Variants in MAPKAP1 observed in about 807,000 individuals in gnomAD.
MAPKAP1 encodes the protein MAPK associated protein 1.
In MAPKAP1, 20 loss-of-function variants were observed where a neutral mutation model predicts 65.7. That is an observed-to-expected ratio of 0.30 (90% confidence interval 0.21 to 0.44). The LOEUF is 0.44. MAPKAP1 is among the 20% of genes least tolerant of loss of function. The pLI, the probability that MAPKAP1 is intolerant of heterozygous loss-of-function variation, is 1.00. For missense variants in MAPKAP1, 423 were observed against 648.0 expected, an observed-to-expected ratio of 0.65 and a Z score of 3.77; for synonymous variants, 222 against 244.3, an observed-to-expected ratio of 0.91 and a Z score of 0.85.
At chr9:125,591,507 A>G (rs563014265) in intron 4 of MAPKAP1, among the ~76,000 whole-genome samples, 1 of 151,102 alleles carries the variant, frequency 6.6e-6, no homozygotes, top group Non-Finnish European at 1.5e-5. Flanking sequence ...ACTACCCTCT[A>G]TTTCATAGTA....
intron 1 of MAPKAP1, among the ~76,000 whole-genome samples, chr9:125,675,648 C>A (rs2131809034): frequency 6.6e-6 from 1 of 152,316 alleles, no homozygotes; most frequent in Admixed American, 6.5e-5. Flanking sequence ...CTTTTTACCT[C>A]CAATTACATG....
At chr9:125,499,976 G>A (rs1319551158) in intron 8 of MAPKAP1, among the ~76,000 whole-genome samples, 1 of 151,994 alleles carries the variant, frequency 6.6e-6, no homozygotes, top group East Asian at 1.9e-4. Context: ...GACAGAATGA[G>A]ACTCTTTCAA....
At chr9:125,546,165 G>A (rs192225843) in intron 6 of MAPKAP1, among the ~76,000 whole-genome samples, 1 of 152,260 alleles carries the variant, frequency 6.6e-6, no homozygotes, top group African/African-American at 2.4e-5. Context: ...CGAAGGGAAG[G>A]GGCACACACG....
intron 5 of MAPKAP1, among the ~76,000 whole-genome samples, chr9:125,577,192 G>C (rs1468940906): frequency 6.6e-6 from 1 of 151,976 alleles, no homozygotes; most frequent in Non-Finnish European, 1.5e-5. Context: ...GATGTGAGGA[G>C]CGTCTCTGCC....
intron 6 of MAPKAP1, among the ~76,000 whole-genome samples, chr9:125,544,410 A>G (rs531558747): frequency 6.6e-5 from 10 of 152,214 alleles, no homozygotes; most frequent in Admixed American, 6.5e-5. Flanking sequence ...ATTATAAGAC[A>G]AAACACTTAC....
intron 7 of MAPKAP1, chr9:125,521,846 C>T (rs1829627174): frequency 7.5e-7 from 1 of 1,339,424 alleles, no homozygotes; most frequent in Non-Finnish European, 1.1e-6. Context: ...AGTGGTGACT[C>T]CAACCTGAGT....
rs1564520083 is a variant in MAPKAP1 at position 125,464,207 on chromosome 9, A to ATT, written c.1345+3764_1345+3765insAA. Among the ~76,000 whole-genome samples, 799 of 136,510 alleles carry ATT rather than the reference A, an allele frequency of 5.9e-3. 16 individuals carry two copies. The highest frequency in any genetic ancestry group is 0.036 in the Middle Eastern group (10 of 274). The allele number at this position is 136,510 out of a possible 152,430, so 89.6% of individuals were successfully genotyped here. A position where few individuals can be genotyped will look rare whatever the true frequency, so the allele number is the denominator to read the frequency against. ...AGTGAGACCCTGTCTCATATATTAA[A>ATT]AAAAAAAAAAAAAAAAAAAAAAAAA... On this transcript the variant is annotated intron_variant, in intron 10 of 11. Transcript: ENST00000265960.
chr9:125,676,246 C>T (rs1384862987), intron 1 of MAPKAP1, among the ~76,000 whole-genome samples: 1 of 152,102 alleles, frequency 6.6e-6, no homozygotes, highest in African/African-American at 2.4e-5. Context: ...AATCCTACTT[C>T]TAGGATTTGT....
intron 7 of MAPKAP1, 47 bp from the exon 8 acceptor site, chr9:125,506,464 G>T (rs767346949): frequency 6.8e-7 from 1 of 1,464,268 alleles, no homozygotes; most frequent in South Asian, 1.1e-5. Flanking sequence ...CTGAAACAGC[G>T]AATTTAACAT....
In MAPKAP1 at chr9:125,438,774, A is replaced by G; in HGVS notation, c.*113T>C. 1 of 1,435,864 alleles carries G rather than the reference A, an allele frequency of 7.0e-7. No individual in the cohort carries two copies. The highest frequency in any genetic ancestry group is 1.4e-5 in the African/African-American group (1 of 70,898). The allele number at this position is 1,435,864 out of a possible 1,614,324, so 88.9% of individuals were successfully genotyped here. On this transcript the variant is annotated 3_prime_UTR_variant, in exon 12 of 12. Transcript: ENST00000265960. ...AGAGCCCACCTGCCCTGTGCCAGTG[A>G]GCCAGGGGCTGGCCTCCCCCCGAGG...
chr9:125,665,013 T>C (rs1271206904), intron 3 of MAPKAP1, among the ~76,000 whole-genome samples: 1 of 151,796 alleles, frequency 6.6e-6, no homozygotes, highest in East Asian at 1.9e-4. Flanking sequence ...TGAATGAAGA[T>C]GAAATAGGCC....
intron 9 of MAPKAP1, chr9:125,471,842 C>T (rs1853938073): frequency 6.6e-6 from 1 of 152,298 alleles, no homozygotes; most frequent in African/African-American, 2.4e-5. Flanking sequence ...ACAATTTTCT[C>T]CTTAGGCCCA....
intron 4 of MAPKAP1, among the ~76,000 whole-genome samples, chr9:125,640,799 G>T (rs1358271482): frequency 6.6e-6 from 1 of 152,190 alleles, no homozygotes; most frequent in Admixed American, 6.5e-5. Flanking sequence ...TACTCTTCTA[G>T]AACCAAGCTG....
intron 4 of MAPKAP1, among the ~76,000 whole-genome samples, chr9:125,634,632 T>C (rs1453484984): frequency 6.6e-6 from 1 of 152,186 alleles, no homozygotes; most frequent in Non-Finnish European, 1.5e-5. Context: ...AACGAACCCA[T>C]TTTCTGTGGG....
At chr9:125,533,110 C>T (rs1394938518) in intron 7 of MAPKAP1, among the ~76,000 whole-genome samples, 1 of 152,046 alleles carries the variant, frequency 6.6e-6, no homozygotes, top group Non-Finnish European at 1.5e-5. Flanking sequence ...CGCATACACG[C>T]CTGCTTTGGC....
At chr9:125,619,367 A>G (rs1337742483) in intron 4 of MAPKAP1, among the ~76,000 whole-genome samples, 2 of 152,176 alleles carry the variant, frequency 1.3e-5, no homozygotes, top group African/African-American at 4.8e-5. Context: ...AAAGAGGTTT[A>G]CAAAAATCTG....
intron 4 of MAPKAP1, among the ~76,000 whole-genome samples, chr9:125,587,501 T>TTCTGG (rs1831824592): frequency 6.6e-6 from 1 of 152,086 alleles, no homozygotes; most frequent in African/African-American, 2.4e-5. Context: ...AGAAGGCAGA[T>TTCTGG]GTTGCAATGA....
At chr9:125,559,474 C>G in intron 6 of MAPKAP1, 159 bp downstream of exon 6, 1 of 622,860 alleles carries the variant, frequency 1.6e-6, no homozygotes, top group Non-Finnish European at 2.8e-6. Flanking sequence ...AAATACAATG[C>G]GAATGTCGTC....
intron 5 of MAPKAP1, among the ~76,000 whole-genome samples, chr9:125,561,253 C>T (rs1016388514): frequency 6.6e-6 from 1 of 152,124 alleles, no homozygotes; most frequent in Non-Finnish European, 1.5e-5. Flanking sequence ...GCAATTTTCC[C>T]AATTAATTCA....
Sources: allele counts gnomAD v4.1 joint callset (sites outside exome capture counted in the v4.1 genomes callset), GRCh38; gene constraint gnomAD v4.1.1; transcripts MANE v1.5; gene names NCBI Gene and HGNC (gene_info 2026-07-23, HGNC 2026-07-21).